Variants in ADGRE3 observed in about 807,000 individuals in gnomAD.
ADGRE3 encodes adhesion G protein-coupled receptor E3, also known as EGF-like module receptor 3.
Under a neutral mutation model 80.1 loss-of-function variants are expected in ADGRE3, and 88 were observed. The ratio of observed to expected loss-of-function variants is 1.10; its 90% CI spans 0.93 to 1.31. ADGRE3 has a LOEUF of 1.31. ADGRE3 is among the 40% of genes most tolerant of loss of function. The probability of loss-of-function intolerance (pLI) is 0.00; values close to 1 mark genes in which losing one functional copy is unlikely to be tolerated. For synonymous variants in ADGRE3, 281 were observed against 294.8 expected (o/e 0.95, Z 0.48); for missense variants, 715 against 776.5 (o/e 0.92, Z 0.94).
Position 14,630,036 on chromosome 19 carries a change from T to C in ADGRE3, c.1812+3A>G. On this transcript the variant is annotated splice_donor_region_variant and intron_variant, in intron 14 of 15. Coordinates refer to ENST00000253673, the MANE Select transcript of ADGRE3 (RefSeq NM_032571.5). ...AATAACAAAGAAAGGGGTCAGTGTT[T>C]ACCTGCTGGCTGAGGAGGCAGTAGA... The C allele has an allele frequency of 6.2e-7, 1 of 1,600,250 alleles. No homozygotes were observed. Among genetic ancestry groups the C allele is most frequent in the Non-Finnish European group, 8.5e-7 (1 of 1,173,126 alleles).
At chr19:14,636,227 T>C (rs1194595669) in intron 11 of ADGRE3, among the ~76,000 whole-genome samples, 1 of 147,552 alleles carries the variant, frequency 6.8e-6, no homozygotes, top group Non-Finnish European at 1.5e-5. Flanking sequence ...TTTCTTTCCT[T>C]TTTCTTTTTT....
intron 9 of ADGRE3, among the ~76,000 whole-genome samples, chr19:14,642,240 G>A (rs1971274877): frequency 6.6e-6 from 1 of 152,088 alleles, no homozygotes; most frequent in Non-Finnish European, 1.5e-5. Flanking sequence ...TTTGGGCCAT[G>A]GTGTCTCACA....
intron 10 of ADGRE3, among the ~76,000 whole-genome samples, chr19:14,640,613 A>T: frequency 6.6e-6 from 1 of 151,990 alleles, no homozygotes; most frequent in Non-Finnish European, 1.5e-5. Context: ...TTAGATCCTC[A>T]TTGGTCTGGA....
Position 14,668,818 on chromosome 19 carries a change from C to T in ADGRE3, c.60G>A (p.Val20=). Residue 20 remains valine, a synonymous_variant, in exon 2 of 16, where the codon GTG becomes GTA. Transcript: ENST00000253673. ...LCFLLSLFGA[V]TQKTKTSCAK... The stretch of plus-strand genomic sequence containing the variant: ...AGCACTCACTTTTGGTTTTCTGAGT[C>T]ACAGCTCCAAAGAGGCTCAGCAGAA... The T allele has an allele frequency of 6.2e-7, 1 of 1,614,054 alleles. No individual in the cohort carries two copies. Among genetic ancestry groups the T allele is most frequent in the Non-Finnish European group, 8.5e-7 (1 of 1,180,026 alleles).
chr19:14,610,353 A>G, the ADGRE3 span: 2 of 1,022,004 alleles, frequency 2.0e-6, no homozygotes, highest in Non-Finnish European at 2.8e-6. Flanking sequence ...CAGGGGTGCA[A>G]GTCAGGCTGT....
intron 15 of ADGRE3, among the ~76,000 whole-genome samples, chr19:14,623,974 A>T (rs755392360): frequency 5.3e-5 from 8 of 152,168 alleles, no homozygotes; most frequent in Non-Finnish European, 1.0e-4. Flanking sequence ...AGTTTGTACT[A>T]AGACTAGCTC....
chr19:14,609,913 T>G, the ADGRE3 span: 1 of 608,422 alleles, frequency 1.6e-6, no homozygotes. Flanking sequence ...TGGCTCACTG[T>G]GCCCGGCTTA....
At chr19:14,665,055 ATTTT>A (rs916325882) in intron 2 of ADGRE3, among the ~76,000 whole-genome samples, 9 of 89,820 alleles carry the variant, frequency 1.0e-4, no homozygotes, top group Non-Finnish European at 1.8e-4. Flanking sequence ...GAGCAACCTC[ATTTT>A]TTTTTTTTTT....
Position 14,647,377 on chromosome 19 carries a change from G to A in ADGRE3, c.698-12C>T. Reference sequence around the variant, plus strand: ...AATGGCACTGGGACCTGAGGAAACAGAAAGATGGAATCTTTTTTCTTTTCT... The same window carrying A: ...AATGGCACTGGGACCTGAGGAAACAAAAAGATGGAATCTTTTTTCTTTTCT... On this transcript the variant is annotated splice_polypyrimidine_tract_variant and intron_variant, in intron 7 of 15. Coordinates refer to ENST00000253673, the MANE Select transcript of ADGRE3 (RefSeq NM_032571.5). 2.0e-6 allele frequency: 3 copies of A among 1,473,636 alleles called. No individual in the cohort carries two copies. The highest frequency in any genetic ancestry group is 2.8e-6 in the Non-Finnish European group (3 of 1,079,918). 91.3% of individuals were successfully genotyped at this position (1,473,636 alleles called of 1,614,324 possible).
intron 5 of ADGRE3, among the ~76,000 whole-genome samples, chr19:14,657,303 C>T (rs1971794574): frequency 6.6e-6 from 1 of 152,138 alleles, no homozygotes; most frequent in East Asian, 1.9e-4. Context: ...GGATTGATTA[C>T]ATGATGTAAT....
chr19:14,660,314 G>A (rs1971908715), intron 4 of ADGRE3, among the ~76,000 whole-genome samples: 1 of 152,142 alleles, frequency 6.6e-6, no homozygotes, highest in Non-Finnish European at 1.5e-5. Flanking sequence ...GTCAATAGAG[G>A]TGCGCATTGC....
At chr19:14,615,104 G>A (rs541346564), downstream of ADGRE3, among the ~76,000 whole-genome samples, 3 of 151,952 alleles carry the variant, frequency 2.0e-5, no homozygotes, top group Admixed American at 6.6e-5. Flanking sequence ...GGGGTCTCAC[G>A]GCTTGTCCAT....
chr19:14,640,291 A>G (rs1292170142), intron 10 of ADGRE3, among the ~76,000 whole-genome samples: 2 of 151,984 alleles, frequency 1.3e-5, no homozygotes, highest in Non-Finnish European at 2.9e-5. Flanking sequence ...CACTAAGACA[A>G]CTTATTTATT....
At chr19:14,623,649 A>T (rs1970656218) in intron 15 of ADGRE3, among the ~76,000 whole-genome samples, 1 of 152,164 alleles carries the variant, frequency 6.6e-6, no homozygotes, top group Non-Finnish European at 1.5e-5. Flanking sequence ...CCTCCCCTGG[A>T]GCCTGTTCCA....
At chr19:14,602,539 C>T in the ADGRE3 span, among the ~76,000 whole-genome samples, 112 of 151,114 alleles carry the variant, frequency 7.4e-4, no homozygotes, top group Non-Finnish European at 4.6e-4. Context: ...AGTGATCTGC[C>T]GCCTTCACCT....
chr19:14,648,377 C>G (rs114702613), intron 7 of ADGRE3, among the ~76,000 whole-genome samples: 8 of 152,200 alleles, frequency 5.3e-5, no homozygotes, highest in Middle Eastern at 3.4e-3. Flanking sequence ...GTTCAGCCCC[C>G]GGAGCAACCC....
At chr19:14,624,039 T>C (rs976223359) in intron 15 of ADGRE3, among the ~76,000 whole-genome samples, 2 of 151,230 alleles carry the variant, frequency 1.3e-5, no homozygotes, top group Admixed American at 6.6e-5. Context: ...GCTCAAGCGA[T>C]CCTCCCATCT....
chr19:14,630,747 G>T (rs115451708), intron 13 of ADGRE3, among the ~76,000 whole-genome samples: 1 of 152,020 alleles, frequency 6.6e-6, no homozygotes, highest in Non-Finnish European at 1.5e-5. Context: ...GTCCTATTTC[G>T]TGGGGTTGCT....
chr19:14,641,484 G>A lies in ADGRE3; in HGVS notation c.1183C>T (p.Leu395Phe). 6.2e-7 allele frequency: 1 copy of A among 1,613,866 alleles called. No individual in the cohort carries two copies. The highest frequency in any genetic ancestry group is 8.5e-7 in the Non-Finnish European group (1 of 1,179,772). Residue 395 changes from leucine (L) to phenylalanine (F), a missense_variant, in exon 10 of 16, where the codon CTC becomes TTC. Physicochemically the swap from Leu to Phe is conservative, Grantham distance 22. Transcript: ENST00000253673. ...RNTSTSLHLQ[L>F]SLCLFLAHLL... is the part of the protein sequence containing the mutation. ...TGGGCCAGGAAGAGGCAGAGCGAGA[G>A]CTGCAGATGCAGTGAGGTGCTGGTG...
Sources: gnomAD v4.1 joint callset for allele counts (sites outside exome capture counted in the v4.1 genomes callset) on GRCh38, gnomAD v4.1.1 for gene constraint, MANE v1.5 for transcripts, NCBI Gene and HGNC (gene_info 2026-07-23, HGNC 2026-07-21) for gene names.